The following DZANK1 variants were observed in gnomAD, a reference collection of about 807,000 sequenced individuals.
DZANK1 encodes double zinc ribbon and ankyrin repeat domains 1.
Under a neutral mutation model 94.5 loss-of-function variants are expected in DZANK1, and 91 were observed. The ratio of observed to expected loss-of-function variants is 0.96; its 90% confidence interval spans 0.81 to 1.15. DZANK1 has a LOEUF of 1.15. Among genes scored for constraint, DZANK1 ranks in the 50% most tolerant of loss-of-function variants. The pLI is 0.00. For synonymous variants in DZANK1, 312 were observed against 325.3 expected (o/e 0.96, Z 0.44); for missense variants, 903 against 916.4 (o/e 0.99, Z 0.19).
Position 18,384,440 on chromosome 20 carries a change from G to A in DZANK1, c.2218C>T (p.Gln740Ter), listed in dbSNP as rs2048356311. The change falls in exon 21 of 21, where the codon CAA becomes TAA. Residue 740 changes from glutamine (Q) to a stop codon, truncating the protein, a stop_gained. Coordinates refer to ENST00000262547, the Ensembl canonical transcript of DZANK1. LOFTEE classifies it high-confidence loss of function. Reference sequence around the variant, plus strand: ...CTGAGGCTCCTAGTTTGAGCGAGTTGGTCCTCAAGCCCTTGGCCAAACTTG... The same window carrying A: ...CTGAGGCTCCTAGTTTGAGCGAGTTAGTCCTCAAGCCCTTGGCCAAACTTG... The A allele has an allele frequency of 6.2e-7, 1 of 1,611,890 alleles. No homozygotes were observed. Among genetic ancestry groups the A allele is most frequent in the African/African-American group, 1.3e-5 (1 of 75,030 alleles).
chr20:18,416,544 G>A (rs1006897889), intron 10 of DZANK1, among the ~76,000 whole-genome samples: 1 of 152,172 alleles, frequency 6.6e-6, no homozygotes, highest in African/African-American at 2.4e-5. Context: ...ACATATGCCA[G>A]GCACAATACT....
At chr20:18,411,776 T>C (rs1297097759) in intron 13 of DZANK1, among the ~76,000 whole-genome samples, 2 of 152,214 alleles carry the variant, frequency 1.3e-5, no homozygotes, top group East Asian at 1.9e-4. Flanking sequence ...GGGTAATTTA[T>C]AAAGAACAGG....
At chr20:18,396,383 C>T in intron 15 of DZANK1, 89 bp downstream of exon 15, 2 of 1,112,442 alleles carry the variant, frequency 1.8e-6, no homozygotes, top group South Asian at 1.4e-5. Flanking sequence ...CTTTTCCTTT[C>T]TATGGATTAC....
At chr20:18,385,753 C>T (rs2048447503) in intron 19 of DZANK1, among the ~76,000 whole-genome samples, 1 of 152,100 alleles carries the variant, frequency 6.6e-6, no homozygotes, top group Non-Finnish European at 1.5e-5. Flanking sequence ...GCTGAAGCTC[C>T]TATTTTTGTG....
At chr20:18,460,262 G>A (rs926749568) in exon 3 of DZANK1, 5 of 1,587,954 alleles carry the variant, frequency 3.1e-6, no homozygotes, top group Middle Eastern at 1.7e-4. Flanking sequence ...AGAAATTCAG[G>A]TTTGCTGCCA....
intron 3 of DZANK1, among the ~76,000 whole-genome samples, 189 bp from the exon 4 acceptor site, chr20:18,455,550 T>C (rs2059257077): frequency 6.6e-6 from 1 of 152,246 alleles, no homozygotes; most frequent in Non-Finnish European, 1.5e-5. Flanking sequence ...TTTACTGCTA[T>C]GTAACAAACC....
At chr20:18,414,048 G>A (rs2057377403) in intron 12 of DZANK1, among the ~76,000 whole-genome samples, 1 of 152,070 alleles carries the variant, frequency 6.6e-6, no homozygotes, top group Non-Finnish European at 1.5e-5. Flanking sequence ...TATACCCTAA[G>A]CTTTCTAAAA....
chr20:18,458,763 A>T (rs1320275453), intron 3 of DZANK1, among the ~76,000 whole-genome samples: 2 of 151,872 alleles, frequency 1.3e-5, no homozygotes, highest in African/African-American at 4.8e-5. Context: ...CACACTTACA[A>T]CCCCACATGA....
At chr20:18,453,094 G>A (rs560775869) in intron 5 of DZANK1, among the ~76,000 whole-genome samples, 2 of 152,304 alleles carry the variant, frequency 1.3e-5, no homozygotes, top group East Asian at 3.9e-4. Flanking sequence ...TGCATGCCTT[G>A]TCTTTCTTAC....
exon 15 of DZANK1, chr20:18,396,529 G>A (rs1423128694): frequency 6.2e-7 from 1 of 1,613,116 alleles, no homozygotes; most frequent in Non-Finnish European, 8.5e-7. Context: ...CATCTTCGTG[G>A]ACAGTAGCAG....
chr20:18,386,886 C>CAAAG (rs200019984), intron 19 of DZANK1, among the ~76,000 whole-genome samples: 4,119 of 152,272 alleles, frequency 0.027, 90 homozygotes, highest in African/African-American at 0.057. Context: ...TCAGAAAAAA[C>CAAAG]AGGTCACAAA....
rs567178115 is a variant in DZANK1 at position 18,449,083 on chromosome 20, T to C, written c.544-14A>G. On this transcript the variant is annotated splice_polypyrimidine_tract_variant and intron_variant, in intron 6 of 20. Coordinates refer to ENST00000262547, the Ensembl canonical transcript of DZANK1. ...AAAACCGGGGGACTAAAATTAAGAA[T>C]ATAGGTATAAAGACAGAGTCATATA... 1 of 1,607,508 alleles carries C rather than the reference T, an allele frequency of 6.2e-7. No individual in the cohort carries two copies. The highest frequency in any genetic ancestry group is 1.7e-5 in the Admixed American group (1 of 59,960).
At chr20:18,417,887 A>T (rs980762415) in intron 10 of DZANK1, among the ~76,000 whole-genome samples, 24 of 152,204 alleles carry the variant, frequency 1.6e-4, no homozygotes, top group African/African-American at 5.8e-4. Flanking sequence ...GGAGTTCGAG[A>T]CCAGCCTGGC....
At chr20:18,422,358 T>A (rs1436269105) in intron 10 of DZANK1, among the ~76,000 whole-genome samples, 1 of 152,198 alleles carries the variant, frequency 6.6e-6, no homozygotes, top group Admixed American at 6.5e-5. Flanking sequence ...GGTAGATGCA[T>A]GAATTTATTT....
chr20:18,432,337 C>T (rs530523006), intron 9 of DZANK1, among the ~76,000 whole-genome samples: 2 of 152,284 alleles, frequency 1.3e-5, no homozygotes, highest in South Asian at 2.1e-4. Flanking sequence ...CAAAATAACA[C>T]AGGCTTAAAT....
intron 13 of DZANK1, among the ~76,000 whole-genome samples, chr20:18,401,582 T>C (rs552876786): frequency 1.7e-4 from 26 of 152,334 alleles, no homozygotes; most frequent in African/African-American, 6.0e-4. Context: ...TCCAAGATTA[T>C]TTCATCCACA....
At chr20:18,455,123 G>T in intron 4 of DZANK1, 124 bp downstream of exon 4, 1 of 666,088 alleles carries the variant, frequency 1.5e-6, no homozygotes, top group Non-Finnish European at 2.6e-6. Flanking sequence ...GGTTGATAAT[G>T]ACTTCAGTTA....
At chr20:18,446,072 A>AG (rs1209085522) in intron 7 of DZANK1, among the ~76,000 whole-genome samples, 1 of 151,884 alleles carries the variant, frequency 6.6e-6, no homozygotes, top group Non-Finnish European at 1.5e-5. Context: ...GCCAAAAAAA[A>AG]AAAAAAGAAA....
intron 13 of DZANK1, among the ~76,000 whole-genome samples, chr20:18,404,042 C>T (rs1185546464): frequency 4.6e-5 from 7 of 152,062 alleles, no homozygotes; most frequent in Admixed American, 1.3e-4. Context: ...CGGCCCACCT[C>T]GGCCTCCCAA....
Sources: gnomAD v4.1 joint callset for allele counts (sites outside exome capture counted in the v4.1 genomes callset) on GRCh38, gnomAD v4.1.1 for gene constraint, MANE v1.5 for transcripts, NCBI Gene and HGNC (gene_info 2026-07-23, HGNC 2026-07-21) for gene names.